The following WDTC1 variants were observed in gnomAD, a reference collection of about 807,000 sequenced individuals.
The protein encoded by WDTC1 is WD and tetratricopeptide repeats 1.
WDTC1 carries 12 observed loss-of-function variants against 76.0 expected under a neutral mutation model. The observed-to-expected ratio is 0.16, with a 90% CI of 0.10 to 0.26. WDTC1 has a LOEUF of 0.26. Ranked by LOEUF, WDTC1 falls within the 10% of genes least tolerant of loss-of-function variation. The probability of loss-of-function intolerance (pLI) is 1.00; values close to 1 mark genes in which losing one functional copy is unlikely to be tolerated. For missense variants in WDTC1, 511 were observed against 908.8 expected, an observed-to-expected ratio of 0.56 and a Z score of 5.63; for synonymous variants, 326 against 350.8, an observed-to-expected ratio of 0.93 and a Z score of 0.79.
chr1:27,293,938 G>T, intron 7 of WDTC1, 84 bp from the exon 8 acceptor site: 2 of 1,319,790 alleles, frequency 1.5e-6, no homozygotes, highest in Non-Finnish European at 2.1e-6. Context: ...AGATACAAAT[G>T]TAAGTTTTCG....
chr1:27,264,338 T>A (rs1052549371), intron 3 of WDTC1, among the ~76,000 whole-genome samples: 4 of 151,950 alleles, frequency 2.6e-5, no homozygotes, highest in African/African-American at 9.7e-5. Context: ...ATGCCTATAG[T>A]CCCAGCTATT....
chr1:27,268,903 T>A (rs1215363030), intron 3 of WDTC1, among the ~76,000 whole-genome samples: 1 of 149,882 alleles, frequency 6.7e-6, no homozygotes, highest in Non-Finnish European at 1.5e-5. Context: ...TTAGTAGAGA[T>A]GGGGTTTCAC....
At chr1:27,276,530 TA>T (rs370027964) in intron 3 of WDTC1, among the ~76,000 whole-genome samples, 4 of 151,884 alleles carry the variant, frequency 2.6e-5, no homozygotes, top group African/African-American at 7.3e-5. Flanking sequence ...CCATCTCTAC[TA>T]AAAATACAAA....
At chr1:27,294,689 A>G in intron 9 of WDTC1, 60 bp downstream of exon 9, 2 of 1,432,496 alleles carry the variant, frequency 1.4e-6, no homozygotes, top group South Asian at 2.4e-5. Context: ...AGCCAGGGGC[A>G]TGTACCTTAT....
intron 14 of WDTC1, 105 bp from the exon 15 acceptor site, chr1:27,304,896 G>A: frequency 8.5e-7 from 1 of 1,176,270 alleles, no homozygotes; most frequent in Non-Finnish European, 1.2e-6. Flanking sequence ...GGGACTGAGT[G>A]GCTGCAGACT....
chr1:27,271,403 C>G (rs1044440089), intron 3 of WDTC1, among the ~76,000 whole-genome samples: 4 of 151,438 alleles, frequency 2.6e-5, no homozygotes, highest in African/African-American at 9.7e-5. Context: ...TGAGTAGAGA[C>G]AAGGTTTCAC....
intron 13 of WDTC1, among the ~76,000 whole-genome samples, chr1:27,302,235 G>A (rs1022361283): frequency 3.3e-5 from 5 of 152,250 alleles, no homozygotes; most frequent in East Asian, 1.9e-4. Flanking sequence ...ACTAAGTCAC[G>A]TGGAATTTCT....
Position 27,274,150 on chromosome 1 carries a change from G to C in WDTC1, c.133-8089G>C, listed in dbSNP as rs571554627. On this transcript the variant is annotated intron_variant, in intron 3 of 15. Coordinates refer to ENST00000319394, the MANE Select transcript of WDTC1 (RefSeq NM_001276252.2). This position sits in a 1 kb window ranked among gnomAD's most constrained non-coding sequence, Gnocchi z 4.2. The stretch of plus-strand genomic sequence containing the variant: ...ACAAAAAAATACAAAAATTAACCAG[G>C]TGTGGTGGTGTGTGCTTGTACTCCC... Among the ~76,000 whole-genome samples the C allele has an allele frequency of 6.7e-6, 1 of 149,158 alleles. No homozygotes were observed. Among genetic ancestry groups the C allele is most frequent in the East Asian group, 2.0e-4 (1 of 4,910 alleles).
rs531523501 is a variant in WDTC1, at chr1:27,271,942, T to A, written c.132+8707T>A. Among the ~76,000 whole-genome samples, 8 of 144,460 alleles carry A rather than the reference T, an allele frequency of 5.5e-5. No homozygotes were observed. In the Admixed American group the frequency reaches 5.6e-4, roughly 10 times the overall value. 94.8% of individuals were successfully genotyped at this position (144,460 alleles called of 152,430 possible). Reference sequence around the variant, plus strand: ...GTAAGCCACTGCGCCCGGCCTAAAATTTTTTTTTTAAATAAAAAATAGGCT... The same window carrying A: ...GTAAGCCACTGCGCCCGGCCTAAAAATTTTTTTTTAAATAAAAAATAGGCT... On this transcript the variant is annotated intron_variant, in intron 3 of 15. Coordinates refer to ENST00000319394, the MANE Select transcript of WDTC1 (RefSeq NM_001276252.2).
rs1482035063 is a variant in WDTC1 at position 27,303,310 on chromosome 1, C to T, written c.1469-311C>T. ...ATTCTCTCTTTGCTAGTGCCTCACT[C>T]TACCCTCCCCTGCCTCTTACCTCCA... On this transcript the variant is annotated intron_variant, in intron 13 of 15. Transcript: ENST00000319394. The surrounding 1 kb of genome is among the most constrained non-coding windows in gnomAD (Gnocchi z 4.8). Among the ~76,000 whole-genome samples the T allele has an allele frequency of 6.6e-6, 1 of 152,004 alleles. No homozygotes were observed. The highest frequency in any genetic ancestry group is 1.5e-5 in the Non-Finnish European group (1 of 67,978).
intron 1 of WDTC1, among the ~76,000 whole-genome samples, chr1:27,250,230 A>G (rs1201776181): frequency 6.6e-6 from 1 of 152,048 alleles, no homozygotes; most frequent in Non-Finnish European, 1.5e-5. Context: ...TGTATCCTCT[A>G]GGCTGGAGTG....
intron 4 of WDTC1, among the ~76,000 whole-genome samples, chr1:27,283,087 G>A (rs1028792114): frequency 6.6e-6 from 1 of 150,812 alleles, no homozygotes; most frequent in African/African-American, 2.4e-5. Context: ...GCAGTGAGCC[G>A]AGATCGCGCC....
chr1:27,291,333 A>T (rs995435313), intron 6 of WDTC1, among the ~76,000 whole-genome samples: 1 of 152,246 alleles, frequency 6.6e-6, no homozygotes, highest in African/African-American at 2.4e-5. Flanking sequence ...AGTTTGGTAA[A>T]AGTAAACTTG....
At chr1:27,280,711 C>CT (rs937347757) in intron 3 of WDTC1, among the ~76,000 whole-genome samples, 7 of 152,156 alleles carry the variant, frequency 4.6e-5, no homozygotes, top group African/African-American at 9.7e-5. Flanking sequence ...GACATTGACC[C>CT]TTTAGGTTGA....
intron 3 of WDTC1, among the ~76,000 whole-genome samples, chr1:27,282,009 G>C (rs2013204098): frequency 6.6e-6 from 1 of 152,180 alleles, no homozygotes; most frequent in Non-Finnish European, 1.5e-5. Flanking sequence ...AATGAAACTT[G>C]TCCTTTATGG....
At chr1:27,299,067 T>C (rs768703935) in intron 12 of WDTC1, among the ~76,000 whole-genome samples, 11 of 152,178 alleles carry the variant, frequency 7.2e-5, no homozygotes, top group Non-Finnish European at 1.3e-4. Context: ...CGTGAGTTGA[T>C]TCACCTCTCT....
At chr1:27,275,387 T>A (rs1005790404) in intron 3 of WDTC1, among the ~76,000 whole-genome samples, 24 of 151,958 alleles carry the variant, frequency 1.6e-4, no homozygotes, top group Non-Finnish European at 2.9e-5. Context: ...AGATACCAAG[T>A]TCATTAAACA....
At chr1:27,263,350 T>C in intron 3 of WDTC1, 115 bp downstream of exon 3, 1 of 857,480 alleles carries the variant, frequency 1.2e-6, no homozygotes, top group Non-Finnish European at 1.7e-6. Flanking sequence ...AGGCCATATC[T>C]GACAGTTACT....
chr1:27,239,651 T>C (rs1021434308), intron 1 of WDTC1, among the ~76,000 whole-genome samples: 2 of 148,954 alleles, frequency 1.3e-5, no homozygotes, highest in African/African-American at 4.9e-5. Context: ...CTGTCTCTAC[T>C]AAAAATACAA....
Sources: gnomAD v4.1 joint callset for allele counts (sites outside exome capture counted in the v4.1 genomes callset) on GRCh38, gnomAD v4.1.1 for gene constraint, Gnocchi (gnomAD v3.1) non-coding constraint, MANE v1.5 for transcripts, NCBI Gene and HGNC (gene_info 2026-07-23, HGNC 2026-07-21) for gene names.